The following PCDHA5 variants were observed in gnomAD, a reference collection of about 807,000 sequenced individuals.
PCDHA5 encodes protocadherin alpha 5.
In PCDHA5, 43 loss-of-function variants were observed where a neutral mutation model predicts 61.6. The ratio of observed to expected loss-of-function variants is 0.70; its 90% CI spans 0.55 to 0.90. The LOEUF is 0.90. Among genes scored for constraint, PCDHA5 ranks in the 40% least tolerant of loss-of-function variants. The pLI, the probability that PCDHA5 is intolerant of heterozygous loss-of-function variation, is 0.00. For synonymous variants in PCDHA5, 627 were observed against 543.9 expected (o/e 1.15, Z -2.13); for missense variants, 1,298 against 1,222.7 (o/e 1.06, Z -0.92).
chr5:141,010,408 A>G lies in PCDHA5; in HGVS notation c.*471A>G. 1 of 1,251,364 alleles carries G rather than the reference A, an allele frequency of 8.0e-7. No homozygotes were observed. Among genetic ancestry groups the G allele is most frequent in the Non-Finnish European group, 1.1e-6 (1 of 926,828 alleles). 77.5% of individuals were successfully genotyped at this position (1,251,364 alleles called of 1,614,324 possible). ...GGCTGAGACGAGCCAGCTTAGACTA[A>G]TTGGTACAAGGAAGGCAAGAAAACA... On this transcript the variant is annotated 3_prime_UTR_variant, in exon 4 of 4. Transcript: ENST00000529859.
chr5:140,853,497 T>C lies in PCDHA5; in HGVS notation c.2352+29370T>C, dbSNP rs1479086696. On this transcript the variant is annotated intron_variant, in intron 1 of 3. Coordinates refer to ENST00000529859, the MANE Select transcript of PCDHA5 (RefSeq NM_018908.3). Reference sequence around the variant, plus strand: ...TAACATTCCTCAATTCAAGTTAGAATCATGAAACAATAATGAAGCTCCTCC... The same window carrying C: ...TAACATTCCTCAATTCAAGTTAGAACCATGAAACAATAATGAAGCTCCTCC... The C allele has an allele frequency of 3.6e-5, 35 of 975,892 alleles. 4 individuals are homozygous for C. The highest frequency in any genetic ancestry group is 4.2e-5 in the Non-Finnish European group (34 of 808,754). The allele number at this position is 975,892 out of a possible 1,614,324, so 60.5% of individuals were successfully genotyped here.
intron 1 of PCDHA5, among the ~76,000 whole-genome samples, chr5:140,898,404 A>G (rs1170692741): frequency 1.3e-5 from 2 of 152,242 alleles, no homozygotes; most frequent in Non-Finnish European, 2.9e-5. Flanking sequence ...AGCTTTCTAC[A>G]TACGGCTAGC....
chr5:140,874,195 A>C (rs2054770978), intron 1 of PCDHA5, among the ~76,000 whole-genome samples: 1 of 152,222 alleles, frequency 6.6e-6, no homozygotes, highest in Non-Finnish European at 1.5e-5. Flanking sequence ...GTCATATTTC[A>C]GTTGCCTTTA....
chr5:140,887,258 T>G (rs934733001), intron 1 of PCDHA5, among the ~76,000 whole-genome samples: 4 of 151,924 alleles, frequency 2.6e-5, no homozygotes, highest in East Asian at 1.9e-4. Context: ...CACCACGCCC[T>G]GCTAATTTTT....
rs372235129 is a variant in PCDHA5 at position 140,927,231 on chromosome 5, C to T, written c.2353-51718C>T. On this transcript the variant is annotated intron_variant, in intron 1 of 3. Transcript: ENST00000529859. ...TGGAGCTGCACAAGATTCGGATTCA[C>T]GTCCTGGACACCAATGACAACTCAC... 3.7e-6 allele frequency: 6 copies of T among 1,614,020 alleles called. No individual in the cohort carries two copies. In the African/African-American group the frequency reaches 4.0e-5, roughly 11 times the overall value.
intron 1 of PCDHA5, chr5:140,877,590 G>T: frequency 1.2e-6 from 2 of 1,613,826 alleles, no homozygotes; most frequent in Non-Finnish European, 1.7e-6. Flanking sequence ...CCATCTGTGC[G>T]GTGTCCAGCC....
chr5:140,880,800 T>A (rs1453041032), intron 1 of PCDHA5, among the ~76,000 whole-genome samples: 1 of 152,130 alleles, frequency 6.6e-6, no homozygotes, highest in Admixed American at 6.6e-5. Context: ...TATAAATAGG[T>A]GAATGACTCT....
rs535622037 is a variant in PCDHA5 at position 140,926,265 on chromosome 5, G to T, written c.2353-52684G>T. The T allele has an allele frequency of 8.1e-3, 1,228 of 152,360 alleles. 6 individuals carry two copies. The highest frequency in any genetic ancestry group is 0.019 in the African/African-American group (792 of 41,548). 9.4% of individuals were successfully genotyped at this position (152,360 alleles called of 1,614,324 possible). ...CACGTTCACCGTCCCGCCTCTCGCC[G>T]CCTCCGCTCGGCAGCTCCACGCTGA... is the stretch of plus-strand genomic sequence containing the variant. On this transcript the variant is annotated intron_variant, in intron 1 of 3. Transcript: ENST00000529859.
chr5:140,914,207 A>G (rs1485868934), intron 1 of PCDHA5, among the ~76,000 whole-genome samples: 4 of 152,060 alleles, frequency 2.6e-5, no homozygotes, highest in African/African-American at 9.7e-5. Context: ...TGTGATCTCT[A>G]TCTCTCTTTT....
At chr5:140,848,357 TG>T in intron 1 of PCDHA5, 1 of 1,035,374 alleles carries the variant, frequency 9.7e-7, no homozygotes, top group Non-Finnish European at 1.4e-6. Flanking sequence ...CCTTTTCCCA[TG>T]GGAAAGAGGC....
chr5:140,978,875 T>A, intron 1 of PCDHA5, 74 bp from the exon 2 acceptor site: 2 of 1,609,316 alleles, frequency 1.2e-6, no homozygotes, highest in Non-Finnish European at 1.7e-6. Flanking sequence ...AGGGAGTAAC[T>A]AATCAATTAG....
intron 1 of PCDHA5, chr5:140,883,811 G>C (rs782535066): frequency 6.2e-7 from 1 of 1,612,586 alleles, no homozygotes; most frequent in South Asian, 1.1e-5. Context: ...CGCGGAGAGC[G>C]GCAAGGTGTA....
At position 140,912,741 on chromosome 5, in the gene PCDHA5, C is replaced by T. The variant is rs371215646; in HGVS notation, c.2353-66208C>T. Among the ~76,000 whole-genome samples the T allele has an allele frequency of 2.1e-3, 323 of 152,182 alleles. 1 individual carries two copies. Among genetic ancestry groups the T allele is most frequent in the African/African-American group, 7.6e-3 (315 of 41,526 alleles). ...ATTCAATATGATGTTGGCTGTGGGT[C>T]TGTCATAGATGGCTTTTATTACTTT... On this transcript the variant is annotated intron_variant, in intron 1 of 3. Transcript: ENST00000529859.
intron 1 of PCDHA5, chr5:140,843,316 T>G (rs1778793829): frequency 1.9e-6 from 3 of 1,595,872 alleles, no homozygotes; most frequent in South Asian, 1.1e-5. Flanking sequence ...CGGCCACGGT[T>G]CTGGTGTCGC....
At chr5:140,969,175 T>C in intron 1 of PCDHA5, 7 of 1,613,046 alleles carry the variant, frequency 4.3e-6, no homozygotes, top group Non-Finnish European at 5.9e-6. Context: ...GCTCAGGGAG[T>C]GACACTTTCA....
intron 1 of PCDHA5, among the ~76,000 whole-genome samples, chr5:140,874,280 C>CA (rs1218640311): frequency 6.6e-6 from 1 of 152,146 alleles, no homozygotes; most frequent in Non-Finnish European, 1.5e-5. Context: ...AATAGACTTA[C>CA]AAAATCTATG....
intron 1 of PCDHA5, among the ~76,000 whole-genome samples, chr5:140,909,076 G>A (rs556959550): frequency 3.3e-5 from 5 of 152,294 alleles, no homozygotes; most frequent in African/African-American, 7.2e-5. Context: ...TAAGCCCAGT[G>A]TGTTTGCTAC....
intron 1 of PCDHA5, chr5:140,848,481 GAC>G: frequency 6.4e-7 from 1 of 1,570,506 alleles, no homozygotes; most frequent in East Asian, 2.2e-5. Flanking sequence ...ATTAGAAGAA[GAC>G]TGAGTATTTG....
chr5:140,930,358 T>A (rs1253370170), intron 1 of PCDHA5: 1 of 152,216 alleles, frequency 6.6e-6, no homozygotes, highest in African/African-American at 2.4e-5. Context: ...AATATTTCAA[T>A]TTATCTGTTA....
Sources: allele counts gnomAD v4.1 joint callset (sites outside exome capture counted in the v4.1 genomes callset), GRCh38; gene constraint gnomAD v4.1.1; transcripts MANE v1.5; gene names NCBI Gene and HGNC (gene_info 2026-07-23, HGNC 2026-07-21).